Variants in TUB observed in about 807,000 individuals in gnomAD.
The protein encoded by TUB is tubby protein homolog.
TUB carries 33 observed loss-of-function variants against 59.7 expected under a neutral mutation model. That is an observed-to-expected ratio of 0.55 (90% confidence interval 0.42 to 0.74). TUB has a LOEUF of 0.74. Ranked by LOEUF, TUB falls within the 30% of genes least tolerant of loss-of-function variation. The pLI, the probability that TUB is intolerant of heterozygous loss-of-function variation, is 0.00. For synonymous variants in TUB, 293 were observed against 256.4 expected (o/e 1.14, Z -1.36); for missense variants, 659 against 672.0 (o/e 0.98, Z 0.21).
chr11:8,100,695 A>AGG (rs3215364), intron 10 of TUB, 94 bp downstream of exon 10: 149 of 1,484,438 alleles, frequency 1.0e-4, no homozygotes, highest in Admixed American at 1.4e-4. Flanking sequence ...GTGTATGTGG[A>AGG]GGGGTACCAT....
At chr11:8,089,393 T>C (rs1589961443) in intron 1 of TUB, among the ~76,000 whole-genome samples, 1 of 152,308 alleles carries the variant, frequency 6.6e-6, no homozygotes, top group Non-Finnish European at 1.5e-5. Context: ...ACAGGGGTCC[T>C]AGCAGGCTTC....
At chr11:8,067,235 T>C (rs544304167) in intron 2 of TUB, among the ~76,000 whole-genome samples, 3 of 152,268 alleles carry the variant, frequency 2.0e-5, no homozygotes, top group East Asian at 3.9e-4. Context: ...GCACAGGGCA[T>C]TGTTGCTCCC....
At chr11:8,066,107 G>T (rs1211078425) in intron 2 of TUB, among the ~76,000 whole-genome samples, 5 of 152,172 alleles carry the variant, frequency 3.3e-5, no homozygotes, top group Non-Finnish European at 5.9e-5. Context: ...AGGGGCCCGG[G>T]GGGAGGCTGC....
chr11:8,056,014 G>T (rs1943014270), intron 2 of TUB, among the ~76,000 whole-genome samples: 2 of 152,204 alleles, frequency 1.3e-5, no homozygotes, highest in African/African-American at 4.8e-5. Context: ...GAAGCAGATG[G>T]GTGTCCTTGT....
chr11:8,033,771 C>A (rs1053130152), upstream of TUB, among the ~76,000 whole-genome samples: 1 of 152,198 alleles, frequency 6.6e-6, no homozygotes, highest in Non-Finnish European at 1.5e-5. Context: ...CTGGTGAATG[C>A]ATTTTTAGTG....
chr11:8,036,775 C>T (rs546358219), upstream of TUB, among the ~76,000 whole-genome samples: 21 of 152,348 alleles, frequency 1.4e-4, 1 homozygote, highest in Non-Finnish European at 2.4e-4. Flanking sequence ...GACCATCTTT[C>T]CCCGGTTGTC....
At chr11:8,038,734 G>C in exon 1 of TUB, 1 of 1,499,580 alleles carries the variant, frequency 6.7e-7, no homozygotes, top group South Asian at 1.4e-5. Context: ...TAGTCTGACT[G>C]TTGCCACGGT....
At position 8,097,758 on chromosome 11, in the gene TUB, C is replaced by T. The variant is rs767826860; in HGVS notation, c.930C>T (p.Ser310=). 5.0e-6 allele frequency: 8 copies of T among 1,613,924 alleles called. No homozygotes were observed. The highest frequency in any genetic ancestry group is 1.1e-5 in the South Asian group (1 of 91,078). Residue 310 remains serine (S), a synonymous_variant, in exon 8 of 12, where the codon TCC becomes TCT. Coordinates refer to ENST00000299506, the MANE Select transcript of TUB (RefSeq NM_177972.3). ...GGAAGAGAAAGAAGAGTAAAACTTC[C>T]AATTACCTCATCTCTGTGGACCCAA... is the stretch of plus-strand genomic sequence containing the variant. ...AGRKRKKSKT[S]NYLISVDPTD...
intron 2 of TUB, among the ~76,000 whole-genome samples, chr11:8,060,944 G>A (rs1046756032): frequency 2.0e-5 from 3 of 152,314 alleles, no homozygotes; most frequent in East Asian, 1.9e-4. Flanking sequence ...GCTTATGTAG[G>A]CCTGGGCTCT....
chr11:8,097,405 G>T lies in TUB; in HGVS notation c.865G>T (p.Asp289Tyr), dbSNP rs1944046022. 1 of 1,614,078 alleles carries T rather than the reference G, an allele frequency of 6.2e-7. No individual in the cohort carries two copies. ...GTACCCCACCTACTTTCTGCACCTG[G>T]ACCGTGAGGATGGGAAGAAGGTAAG... ...GMYPTYFLHL[D>Y]REDGKKVFLL... The change falls in exon 7 of 12, where the codon GAC becomes TAC. Residue 289 changes from aspartate to tyrosine, a missense_variant. Transcript: ENST00000299506.
chr11:8,072,779 G>T lies in TUB; in HGVS notation c.204-16831G>T, dbSNP rs182315724. Among the ~76,000 whole-genome samples, 396 of 152,332 alleles carry T rather than the reference G, an allele frequency of 2.6e-3. 3 individuals carry two copies. The highest frequency in any genetic ancestry group is 8.9e-3 in the African/African-American group (370 of 41,584). On this transcript the variant is annotated intron_variant, in intron 2 of 12. Coordinates refer to the TUB transcript ENST00000305253. ...TCACCCAGTGAGTTAGCAGCAGAGA[G>T]GATAAGAATTCAGCTCCCCTCAGTC...
chr11:8,103,489 A>G lies in TUB; in HGVS notation c.*1870A>G, dbSNP rs1387055471. On this transcript the variant is annotated 3_prime_UTR_variant, in exon 12 of 12. Transcript: ENST00000299506. ...AGTAATATGCTCTCATTTCTTTGTAATCTAGATTTTCCTATGTTGAATGCT... is the reference window on the plus strand; with the variant it reads ...AGTAATATGCTCTCATTTCTTTGTAGTCTAGATTTTCCTATGTTGAATGCT... 1.3e-5 allele frequency: 2 copies of G among 152,510 alleles called. No homozygotes were observed. The highest frequency in any genetic ancestry group is 4.8e-5 in the African/African-American group (2 of 41,404). 9.4% of individuals were successfully genotyped at this position (152,510 alleles called of 1,614,324 possible). A position where few individuals can be genotyped will look rare whatever the true frequency, so the allele number is the denominator to read the frequency against.
At chr11:8,060,216 C>T (rs999177238) in intron 2 of TUB, 1 of 152,336 alleles carries the variant, frequency 6.6e-6, no homozygotes, top group Non-Finnish European at 1.5e-5. Context: ...AAGAGGTCAC[C>T]TGCGGAGAAC....
At chr11:8,089,969 A>G in intron 2 of TUB, 100 bp from the exon 3 acceptor site, 1 of 1,433,280 alleles carries the variant, frequency 7.0e-7, no homozygotes, top group Non-Finnish European at 9.3e-7. Context: ...TGCCAAGGAC[A>G]TGGGGCCTTG....
chr11:8,090,327 A>C (rs568373686), intron 3 of TUB, 96 bp downstream of exon 3: 6 of 1,486,718 alleles, frequency 4.0e-6, no homozygotes, highest in Middle Eastern at 1.8e-4. Flanking sequence ...CTGACGGGGG[A>C]TGCCCAGGCT....
At chr11:8,038,868 G>T (rs1260120778) in exon 1 of TUB, 13 of 1,613,738 alleles carry the variant, frequency 8.1e-6, no homozygotes, top group Non-Finnish European at 1.1e-5. Flanking sequence ...CCATCCTGTG[G>T]CCACGATGGG....
intron 7 of TUB, 59 bp from the exon 8 acceptor site, chr11:8,097,655 C>T (rs1944058754): frequency 1.4e-6 from 2 of 1,480,280 alleles, no homozygotes; most frequent in Non-Finnish European, 1.9e-6. Flanking sequence ...GAGTGGCTCT[C>T]ATGACTGTGT....
chr11:8,052,719 G>T (rs937370212), intron 2 of TUB, among the ~76,000 whole-genome samples: 11 of 151,984 alleles, frequency 7.2e-5, no homozygotes, highest in African/African-American at 2.7e-4. Context: ...TCGTGATCCG[G>T]CCACCTTGGC....
intron 3 of TUB, among the ~76,000 whole-genome samples, chr11:8,093,620 G>T (rs1041257843): frequency 6.6e-6 from 1 of 152,152 alleles, no homozygotes; most frequent in African/African-American, 2.4e-5. Flanking sequence ...CCCCTCGTAG[G>T]CTCCCTGGAG....
Sources: allele counts gnomAD v4.1 joint callset (sites outside exome capture counted in the v4.1 genomes callset), GRCh38; gene constraint gnomAD v4.1.1; transcripts MANE v1.5; gene names NCBI Gene and HGNC (gene_info 2026-07-23, HGNC 2026-07-21).